Variants in ANKRD36B observed in about 807,000 individuals in gnomAD.
ANKRD36B encodes ankyrin repeat domain-containing protein 36B.
A neutral mutation model predicts 135.7 loss-of-function variants in ANKRD36B; 37 were observed. The ratio of observed to expected loss-of-function variants is 0.27; its 90% CI spans 0.21 to 0.36. ANKRD36B has a LOEUF of 0.36. Among genes scored for constraint, ANKRD36B ranks in the 10% least tolerant of loss-of-function variants. The pLI is 1.00. For synonymous variants in ANKRD36B, 179 were observed against 348.1 expected, an observed-to-expected ratio of 0.51 and a Z score of 5.41; for missense variants, 549 against 1,037.1, an observed-to-expected ratio of 0.53 and a Z score of 6.46.
chr2:97,575,415 A>G (rs966806330), intron 6 of ANKRD36B, among the ~76,000 whole-genome samples: 5 of 152,074 alleles, frequency 3.3e-5, no homozygotes, highest in Non-Finnish European at 7.4e-5. Context: ...CCATTCAGTG[A>G]ACACGTCCTA....
intron 1 of ANKRD36B, among the ~76,000 whole-genome samples, chr2:97,588,431 C>G (rs1454686454): frequency 6.6e-6 from 1 of 151,922 alleles, no homozygotes; most frequent in Non-Finnish European, 1.5e-5. Flanking sequence ...CCTGGATTTT[C>G]TAACCTGTTC....
intron 14 of ANKRD36B, among the ~76,000 whole-genome samples, chr2:97,554,196 TTGA>T (rs1373307425): frequency 6.6e-6 from 1 of 151,940 alleles, no homozygotes; most frequent in East Asian, 1.9e-4. Flanking sequence ...TAAGAGTCAG[TTGA>T]TGAACTCAAC....
At position 97,534,977 on chromosome 2, in the gene ANKRD36B, G is replaced by T. The variant is rs1156763632; in HGVS notation, c.2191+1323C>A. ...GGTTCTAAAAATGTGATACATATAC[G>T]GCTCAGCCATGTGAAAGAATAAGAT... On this transcript the variant is annotated intron_variant, in intron 34 of 43. Coordinates refer to ENST00000359901, the MANE Select transcript of ANKRD36B (RefSeq NM_001393939.1). 4.1e-5 allele frequency among the ~76,000 whole-genome samples: 4 copies of T among 96,390 alleles called. 1 individual carries two copies. Among genetic ancestry groups the T allele is most frequent in the East Asian group, 2.3e-4 (1 of 4,326 alleles). 63.2% of individuals were successfully genotyped at this position (96,390 alleles called of 152,430 possible).
At chr2:97,571,215 G>A (rs1236551935) in intron 6 of ANKRD36B, among the ~76,000 whole-genome samples, 14 of 152,258 alleles carry the variant, frequency 9.2e-5, no homozygotes, top group African/African-American at 1.2e-4. Context: ...GCAATGACAC[G>A]CACCTGTAGT....
chr2:97,574,529 C>T (rs1372424552), intron 6 of ANKRD36B, among the ~76,000 whole-genome samples: 1 of 152,166 alleles, frequency 6.6e-6, no homozygotes, highest in Admixed American at 6.5e-5. Context: ...CCCAGCCATC[C>T]CGTTACTGGG....
chr2:97,568,826 A>G (rs2922588), intron 6 of ANKRD36B, among the ~76,000 whole-genome samples: 1 of 152,286 alleles, frequency 6.6e-6, no homozygotes, highest in African/African-American at 2.4e-5. Context: ...CTTTGTCACT[A>G]TATGTAAACA....
intron 6 of ANKRD36B, among the ~76,000 whole-genome samples, chr2:97,570,978 T>C (rs2081809502): frequency 6.6e-6 from 1 of 152,232 alleles, no homozygotes; most frequent in African/African-American, 2.4e-5. Context: ...TTGAGATTCC[T>C]GTATTTCTGC....
At chr2:97,530,412 G>T (rs2078508078) in intron 35 of ANKRD36B, among the ~76,000 whole-genome samples, 2 of 94,498 alleles carry the variant, frequency 2.1e-5, no homozygotes, top group South Asian at 4.7e-4. Flanking sequence ...ATTCAAGATG[G>T]ATTAAAGGCT....
At chr2:97,548,570 G>T (rs1389725636) in intron 20 of ANKRD36B, among the ~76,000 whole-genome samples, 2 of 151,856 alleles carry the variant, frequency 1.3e-5, no homozygotes. Context: ...CATAATTTTT[G>T]TTTCTAAAAT....
chr2:97,539,210 TA>T lies in ANKRD36B; in HGVS notation c.1987+823del, dbSNP rs1213400428. Among the ~76,000 whole-genome samples, 3 of 97,712 alleles carry T rather than the reference TA, an allele frequency of 3.1e-5. 1 individual carries two copies. Among genetic ancestry groups the T allele is most frequent in the African/African-American group, 9.2e-5 (3 of 32,754 alleles). 64.1% of individuals were successfully genotyped at this position (97,712 alleles called of 152,430 possible). A position where few individuals can be genotyped will look rare whatever the true frequency, so the allele number is the denominator to read the frequency against. ...AATGAATTCAAATTAATTTTGTTTC[TA>T]AAATAGTCTGGTTTGAAGTATCATG... On this transcript the variant is annotated intron_variant, in intron 30 of 43. Coordinates refer to ENST00000359901, the MANE Select transcript of ANKRD36B (RefSeq NM_001393939.1).
chr2:97,561,332 A>G (rs13397980), intron 6 of ANKRD36B, among the ~76,000 whole-genome samples: 11,415 of 151,916 alleles, frequency 0.075, 1,108 homozygotes, highest in African/African-American at 0.22. Flanking sequence ...AAGGTACACA[A>G]TTATAATGAC....
intron 6 of ANKRD36B, among the ~76,000 whole-genome samples, chr2:97,563,585 T>C (rs2081210542): frequency 6.6e-6 from 1 of 152,072 alleles, no homozygotes; most frequent in Non-Finnish European, 1.5e-5. Context: ...CTGAGTAGTT[T>C]AGAGTTTAAC....
intron 6 of ANKRD36B, among the ~76,000 whole-genome samples, chr2:97,575,904 T>C (rs1310914539): frequency 6.6e-6 from 1 of 151,948 alleles, no homozygotes; most frequent in African/African-American, 2.4e-5. Flanking sequence ...GAATACAATA[T>C]ATAATATATA....
intron 6 of ANKRD36B, among the ~76,000 whole-genome samples, chr2:97,564,834 A>G (rs1474364672): frequency 2.0e-5 from 3 of 152,130 alleles, no homozygotes; most frequent in Non-Finnish European, 4.4e-5. Flanking sequence ...CTTTTTGCTT[A>G]GGATTGTCTT....
intron 6 of ANKRD36B, among the ~76,000 whole-genome samples, chr2:97,572,512 G>C (rs923248575): frequency 7.4e-6 from 1 of 134,664 alleles, no homozygotes; most frequent in Non-Finnish European, 1.7e-5. Flanking sequence ...AAATTTAAAA[G>C]ACATTTAAAG....
At chr2:97,547,797 G>C in intron 20 of ANKRD36B, 66 bp from the exon 21 acceptor site, 4 of 1,526,064 alleles carry the variant, frequency 2.6e-6, no homozygotes, top group South Asian at 1.2e-5. Flanking sequence ...ACACATTCAC[G>C]CAGTGTTAGC....
chr2:97,548,684 C>A (rs1380541058), intron 20 of ANKRD36B, among the ~76,000 whole-genome samples: 41 of 151,990 alleles, frequency 2.7e-4, no homozygotes, highest in African/African-American at 8.9e-4. Flanking sequence ...TGTTCATATT[C>A]AAGTTTGTCT....
At chr2:97,559,834 C>T (rs1332368539) in intron 8 of ANKRD36B, among the ~76,000 whole-genome samples, 1 of 151,860 alleles carries the variant, frequency 6.6e-6, no homozygotes, top group Non-Finnish European at 1.5e-5. Context: ...CTAAAATAGC[C>T]TTGCTGGGAG....
intron 36 of ANKRD36B, among the ~76,000 whole-genome samples, chr2:97,516,205 A>C (rs1345150892): frequency 1.6e-5 from 1 of 63,852 alleles, no homozygotes; most frequent in South Asian, 3.0e-4. Flanking sequence ...AAAAAAAAAA[A>C]AAAAAAAAAC....
Sources: gnomAD v4.1 joint callset for allele counts (sites outside exome capture counted in the v4.1 genomes callset) on GRCh38, gnomAD v4.1.1 for gene constraint, MANE v1.5 for transcripts, NCBI Gene and HGNC (gene_info 2026-07-23, HGNC 2026-07-21) for gene names.